Variants in MSI2 observed in about 807,000 individuals in gnomAD.
MSI2 encodes the protein RNA-binding protein Musashi homolog 2.
MSI2 carries 17 observed loss-of-function variants against 45.6 expected under a neutral mutation model. That is an observed-to-expected ratio of 0.37 (90% CI 0.26 to 0.56). The LOEUF is 0.56. Ranked by LOEUF, MSI2 falls within the 20% of genes least tolerant of loss-of-function variation. The pLI is 0.77. For missense variants in MSI2, 293 were observed against 444.2 expected, an observed-to-expected ratio of 0.66 and a Z score of 3.06; for synonymous variants, 156 against 158.2, an observed-to-expected ratio of 0.99 and a Z score of 0.11.
Position 57,348,762 on chromosome 17 carries a change from T to TA in MSI2, c.313-52616dup, listed in dbSNP as rs551443929. ...TTACCCAGCCTCAGGTACTTCCTTATAGCAATGCAAAAATGGACTAACCCA... is the reference window on the plus strand; with the variant it reads ...TTACCCAGCCTCAGGTACTTCCTTATAAGCAATGCAAAAATGGACTAACCCA... On this transcript the variant is annotated intron_variant, in intron 5 of 13. Coordinates refer to ENST00000284073, the MANE Select transcript of MSI2 (RefSeq NM_138962.4). 2.8e-3 allele frequency among the ~76,000 whole-genome samples: 431 copies of TA among 152,310 alleles called. 1 individual carries two copies. Among genetic ancestry groups the TA allele is most frequent in the African/African-American group, 0.01 (416 of 41,572 alleles).
rs566308376 is a variant in MSI2, at chr17:57,529,266, T to C, written c.406-410T>C. On this transcript the variant is annotated intron_variant, in intron 6 of 13. Transcript: ENST00000284073. This position sits in a 1 kb window ranked among gnomAD's most constrained non-coding sequence, Gnocchi z 5.3. ...GTCTGAGCAACATAGTGGGACCCTG[T>C]CTCTAAAAAAATAAAATAAAATAAC... is the stretch of plus-strand genomic sequence containing the variant. 6.6e-6 allele frequency among the ~76,000 whole-genome samples: 1 copy of C among 152,090 alleles called. No individual in the cohort carries two copies. Among genetic ancestry groups the C allele is most frequent in the South Asian group, 2.1e-4 (1 of 4,802 alleles).
At chr17:57,632,164 T>C in intron 10 of MSI2, 1 of 1,182,722 alleles carries the variant, frequency 8.5e-7, no homozygotes, top group Non-Finnish European at 1.0e-6. Flanking sequence ...GAAGAAGACA[T>C]CAAATGTTTT....
intron 7 of MSI2, among the ~76,000 whole-genome samples, chr17:57,593,669 G>A (rs1004976147): frequency 3.9e-5 from 6 of 152,230 alleles, no homozygotes; most frequent in Admixed American, 2.0e-4. Context: ...CAGGGATTAG[G>A]ACATGGATGT....
chr17:57,441,007 C>A (rs2084790073), intron 6 of MSI2, among the ~76,000 whole-genome samples: 1 of 152,226 alleles, frequency 6.6e-6, no homozygotes, highest in South Asian at 2.1e-4. Context: ...GTCAACACTG[C>A]CCCCTGCCGC....
chr17:57,382,259 G>T (rs1011963338), intron 5 of MSI2, among the ~76,000 whole-genome samples: 1 of 152,188 alleles, frequency 6.6e-6, no homozygotes, highest in African/African-American at 2.4e-5. Flanking sequence ...GTAGGAGGGG[G>T]ACAGGTGAGA....
At chr17:57,284,420 G>C (rs924218334) in intron 5 of MSI2, among the ~76,000 whole-genome samples, 2 of 152,050 alleles carry the variant, frequency 1.3e-5, no homozygotes, top group African/African-American at 4.8e-5. Context: ...AAATAAATCT[G>C]TGTGCTTTAT....
intron 5 of MSI2, among the ~76,000 whole-genome samples, chr17:57,317,509 T>C (rs1220687046): frequency 7.3e-6 from 1 of 137,168 alleles, no homozygotes; most frequent in Non-Finnish European, 1.5e-5. Flanking sequence ...AGTTTTGCTT[T>C]TTTTTTTTTT....
chr17:57,455,081 A>G (rs910117123), intron 6 of MSI2, among the ~76,000 whole-genome samples: 1 of 152,186 alleles, frequency 6.6e-6, no homozygotes, highest in African/African-American at 2.4e-5. Context: ...CCTAGCTCTC[A>G]TTCAGGTGCG....
chr17:57,641,444 G>C (rs1361926939), intron 10 of MSI2, among the ~76,000 whole-genome samples: 1 of 152,190 alleles, frequency 6.6e-6, no homozygotes, highest in Non-Finnish European at 1.5e-5. Flanking sequence ...GGAACCCAGA[G>C]AGAGTGTAAG....
intron 5 of MSI2, among the ~76,000 whole-genome samples, chr17:57,370,365 T>A (rs1389308319): frequency 1.3e-5 from 2 of 152,182 alleles, no homozygotes; most frequent in Non-Finnish European, 2.9e-5. Context: ...TCTTTCCAAA[T>A]AGAAGAAATG....
At chr17:57,507,225 CTGTGTGTGTGTGTG>C (rs71140002) in intron 6 of MSI2, among the ~76,000 whole-genome samples, 541 of 51,240 alleles carry the variant, frequency 0.011, 11 homozygotes, top group African/African-American at 0.015. Context: ...CTTTGTCTCT[CTGTGTGTGTGTGTG>C]TGTGTGTGTG....
chr17:57,495,548 A>AAAAAAAAAAG (rs1555613511), intron 6 of MSI2, among the ~76,000 whole-genome samples: 3 of 145,300 alleles, frequency 2.1e-5, no homozygotes, highest in African/African-American at 8.1e-5. Context: ...AAAAAAAAAA[A>AAAAAAAAAAG]AAAAGAAAGC....
chr17:57,436,868 T>G (rs2084700369), intron 6 of MSI2, among the ~76,000 whole-genome samples: 2 of 152,310 alleles, frequency 1.3e-5, no homozygotes, highest in Admixed American at 1.3e-4. Flanking sequence ...ACTCTGGTTT[T>G]AGAGAAAACA....
At chr17:57,575,147 T>TCCCCCCCCCCCCCCCCCCCC (rs371180511) in intron 7 of MSI2, among the ~76,000 whole-genome samples, 2 of 119,544 alleles carry the variant, frequency 1.7e-5, no homozygotes, top group Non-Finnish European at 1.7e-5. Context: ...CTTTTTTAAC[T>TCCCCCCCCCCCCCCCCCCCC]CCCTCCCCCC....
At position 57,430,677 on chromosome 17, in the gene MSI2, T is replaced by TCTC. The variant is rs554525718; in HGVS notation, c.405+29207_405+29209dup. Among the ~76,000 whole-genome samples the TCTC allele has an allele frequency of 8.5e-5, 13 of 152,320 alleles. No homozygotes were observed. The East Asian group carries it at 2.3e-3, about 27-fold the overall frequency. On this transcript the variant is annotated intron_variant, in intron 6 of 13. Transcript: ENST00000284073. ...AACAGATTCTGTCTGTCTGTCTTCT[T>TCTC]CTCAAGGCTGGAGATCTCTAAGCAC...
At chr17:57,464,838 T>C (rs2085301156) in intron 6 of MSI2, among the ~76,000 whole-genome samples, 1 of 152,216 alleles carries the variant, frequency 6.6e-6, no homozygotes, top group Non-Finnish European at 1.5e-5. Flanking sequence ...AAAAAGTCCT[T>C]GGTTCTGAGT....
At chr17:57,317,506 C>CTTTTT (rs921448429) in intron 5 of MSI2, among the ~76,000 whole-genome samples, 36 of 94,534 alleles carry the variant, frequency 3.8e-4, no homozygotes, top group Non-Finnish European at 5.5e-4. Context: ...TATAGTTTTG[C>CTTTTT]TTTTTTTTTT....
chr17:57,498,196 T>A (rs1362185556), intron 6 of MSI2, among the ~76,000 whole-genome samples: 1 of 152,196 alleles, frequency 6.6e-6, no homozygotes, highest in Admixed American at 6.5e-5. Flanking sequence ...TGGTTTTAAT[T>A]AGAATAAACA....
At chr17:57,386,838 G>C (rs138349905) in intron 5 of MSI2, among the ~76,000 whole-genome samples, 47 of 152,360 alleles carry the variant, frequency 3.1e-4, no homozygotes, top group African/African-American at 1.0e-3. Flanking sequence ...TTTGTGGAGG[G>C]AATGATTAAG....
Sources: gnomAD v4.1 joint callset for allele counts (sites outside exome capture counted in the v4.1 genomes callset) on GRCh38, gnomAD v4.1.1 for gene constraint, Gnocchi (gnomAD v3.1) non-coding constraint, MANE v1.5 for transcripts, NCBI Gene and HGNC (gene_info 2026-07-23, HGNC 2026-07-21) for gene names.